Variants in NCAPD3 observed in about 807,000 individuals in gnomAD.
The protein encoded by NCAPD3 is non-SMC condensin II complex subunit D3, also known as condensin-2 complex subunit D3.
NCAPD3 carries 105 observed loss-of-function variants against 182.9 expected under a neutral mutation model. The ratio of observed to expected loss-of-function variants is 0.57; its 90% CI spans 0.49 to 0.68. The LOEUF is 0.68. NCAPD3 is among the 30% of genes least tolerant of loss of function. The pLI is 0.00. For missense variants in NCAPD3, 1,944 were observed against 1,837.0 expected, an observed-to-expected ratio of 1.06 and a Z score of -1.07; for synonymous variants, 815 against 679.9, an observed-to-expected ratio of 1.20 and a Z score of -3.09.
At chr11:134,223,458 C>T in intron 1 of NCAPD3, 1 of 702,552 alleles carries the variant, frequency 1.4e-6, no homozygotes, top group Non-Finnish European at 2.6e-6. Context: ...TTGATGATGT[C>T]TGCATGTGAG....
chr11:134,184,023 T>C (rs1314417122), intron 19 of NCAPD3, among the ~76,000 whole-genome samples: 1 of 152,242 alleles, frequency 6.6e-6, no homozygotes, highest in East Asian at 1.9e-4. Context: ...AGAATAAATA[T>C]ATGGTAATAA....
chr11:134,202,807 C>T lies in NCAPD3; in HGVS notation c.1615+9G>A. 6.3e-7 allele frequency: 1 copy of T among 1,582,742 alleles called. No homozygotes were observed. Among genetic ancestry groups the T allele is most frequent in the Non-Finnish European group, 8.6e-7 (1 of 1,161,532 alleles). ...ATTACCTATCTGACAGTGATAAAAT[C>T]TGACATACCTCCAGATCCAACTGTT... On this transcript the variant is annotated intron_variant, in intron 13 of 34. Coordinates refer to ENST00000534548, the MANE Select transcript of NCAPD3 (RefSeq NM_015261.3).
intron 16 of NCAPD3, among the ~76,000 whole-genome samples, chr11:134,187,035 T>G (rs1362942457): frequency 6.6e-6 from 1 of 152,196 alleles, no homozygotes; most frequent in Non-Finnish European, 1.5e-5. Flanking sequence ...CCTCTGAACT[T>G]GCAGAAATCT....
At chr11:134,214,223 T>C (rs1366049766) in intron 3 of NCAPD3, among the ~76,000 whole-genome samples, 2 of 151,962 alleles carry the variant, frequency 1.3e-5, no homozygotes, top group Non-Finnish European at 2.9e-5. Context: ...ATATGAAGTA[T>C]GTTCTCTGAT....
intron 27 of NCAPD3, among the ~76,000 whole-genome samples, chr11:134,165,772 C>T (rs1180818220): frequency 7.0e-6 from 1 of 143,112 alleles, no homozygotes; most frequent in Non-Finnish European, 1.5e-5. Flanking sequence ...GGGGGAGGTA[C>T]ACACTCGTGA....
Position 134,204,200 on chromosome 11 carries a change from C to A in NCAPD3, c.1090-29G>T. The A allele has an allele frequency of 6.2e-7, 1 of 1,608,758 alleles. No homozygotes were observed. The highest frequency in any genetic ancestry group is 8.5e-7 in the Non-Finnish European group (1 of 1,176,964). ...AAAAGCAAAAAGAGAAGTTGACCAA[C>A]CAATATCCACCCGCAGGATGGCTGA... On this transcript the variant is annotated intron_variant, in intron 9 of 34. Transcript: ENST00000534548. The surrounding 1 kb of genome is among the most constrained non-coding windows in gnomAD (Gnocchi z 4.3).
chr11:134,193,041 T>A, intron 15 of NCAPD3, 132 bp from the exon 16 acceptor site: 1 of 584,656 alleles, frequency 1.7e-6, no homozygotes, highest in Non-Finnish European at 2.9e-6. Context: ...AAGAAAAAAA[T>A]TCAAAAAATA....
chr11:134,152,814 G>C lies in NCAPD3; in HGVS notation c.*130C>G. On this transcript the variant is annotated 3_prime_UTR_variant, in exon 35 of 35. Transcript: ENST00000534548. ...AGGTGAGTGCCAGGCCCCTGAGGAGGAGCTCTCGTGTTCCACAGCAAAGCG... is the reference window on the plus strand; with the variant it reads ...AGGTGAGTGCCAGGCCCCTGAGGAGCAGCTCTCGTGTTCCACAGCAAAGCG... The C allele has an allele frequency of 1.4e-6, 1 of 691,402 alleles. No homozygotes were observed. The highest frequency in any genetic ancestry group is 2.5e-6 in the Non-Finnish European group (1 of 404,024). The allele number at this position is 691,402 out of a possible 1,614,324, so 42.8% of individuals were successfully genotyped here. A position where few individuals can be genotyped will look rare whatever the true frequency, so the allele number is the denominator to read the frequency against.
At chr11:134,164,941 G>T (rs1193452725) in intron 27 of NCAPD3, among the ~76,000 whole-genome samples, 2 of 148,762 alleles carry the variant, frequency 1.3e-5, no homozygotes, top group African/African-American at 2.5e-5. Context: ...AGGGGGAGGG[G>T]CACACTCACT....
chr11:134,156,173 C>G (rs1943414780), intron 32 of NCAPD3, among the ~76,000 whole-genome samples: 2 of 152,226 alleles, frequency 1.3e-5, no homozygotes, highest in African/African-American at 4.8e-5. Flanking sequence ...GCGCCCAGCT[C>G]TGCCCTCCCA....
chr11:134,201,947 T>A (rs1328404917), intron 13 of NCAPD3, among the ~76,000 whole-genome samples: 1 of 152,194 alleles, frequency 6.6e-6, no homozygotes, highest in Admixed American at 6.5e-5. Flanking sequence ...AATGTAATCA[T>A]CCTCAGGGCG....
intron 16 of NCAPD3, among the ~76,000 whole-genome samples, chr11:134,187,103 C>A (rs573775884): frequency 1.3e-5 from 2 of 152,290 alleles, no homozygotes; most frequent in African/African-American, 4.8e-5. Context: ...GCCTCCCAGC[C>A]CAGCTGAGGG....
intron 16 of NCAPD3, among the ~76,000 whole-genome samples, chr11:134,188,525 G>T (rs1056374299): frequency 6.6e-6 from 1 of 152,202 alleles, no homozygotes; most frequent in Admixed American, 6.5e-5. Context: ...TTTATGAACT[G>T]TAACACCGCA....
chr11:134,158,555 T>A lies in NCAPD3; in HGVS notation c.3868-60A>T, dbSNP rs574621720. ...TACTTTTTAAGTTTTCAAAAACGGA[T>A]ATATGATAGTTGTACATGGTTGGGG... is the stretch of plus-strand genomic sequence containing the variant. On this transcript the variant is annotated intron_variant, in intron 29 of 34. Transcript: ENST00000534548. 24 of 1,528,950 alleles carry A rather than the reference T, an allele frequency of 1.6e-5. No individual in the cohort carries two copies. In the East Asian group the frequency reaches 5.4e-4, roughly 35 times the overall value. 94.7% of individuals were successfully genotyped at this position (1,528,950 alleles called of 1,614,324 possible). A position where few individuals can be genotyped will look rare whatever the true frequency, so the allele number is the denominator to read the frequency against.
At position 134,160,087 on chromosome 11, in the gene NCAPD3, C is replaced by G. The variant is rs1282442687; in HGVS notation, c.3685-13G>C. On this transcript the variant is annotated splice_polypyrimidine_tract_variant and intron_variant, in intron 28 of 34. Coordinates refer to ENST00000534548, the MANE Select transcript of NCAPD3 (RefSeq NM_015261.3). ...CCTGCATCACCTCCTGAAACAGAGC[C>G]AGGAGCATCCTTTCATGTTTTCTTG... 1 of 1,611,598 alleles carries G rather than the reference C, an allele frequency of 6.2e-7. No individual in the cohort carries two copies. The highest frequency in any genetic ancestry group is 1.1e-5 in the South Asian group (1 of 90,920).
chr11:134,158,099 T>C, intron 30 of NCAPD3, 32 bp from the exon 31 acceptor site: 3 of 1,607,898 alleles, frequency 1.9e-6, no homozygotes, highest in Non-Finnish European at 2.5e-6. Context: ...GCTGACTTTC[T>C]CACTGCAGAC....
In NCAPD3 at chr11:134,185,496, C is replaced by T; in HGVS notation, c.2076G>A (p.Trp692Ter). The change falls in exon 17 of 35, where the codon TGG (tryptophan) becomes TGA (stop). Residue 692 changes from tryptophan (W) to a stop codon, truncating the protein, a stop_gained. Transcript: ENST00000534548. LOFTEE classifies it high-confidence loss of function. ...SRYLNKAFHI[W>*]SKKEKFSPTF... Reference sequence around the variant, plus strand: ...TGGGTGAGAATTTTTCTTTCTTGGACCAGATATGAAAAGCCTTATTTAAAT... The same window carrying T: ...TGGGTGAGAATTTTTCTTTCTTGGATCAGATATGAAAAGCCTTATTTAAAT... 1.2e-6 allele frequency: 2 copies of T among 1,605,862 alleles called. No homozygotes were observed. Among genetic ancestry groups the T allele is most frequent in the Non-Finnish European group, 1.7e-6 (2 of 1,176,524 alleles).
rs116182301 is a variant in NCAPD3 at position 134,183,765 on chromosome 11, T to C, written c.2451+872A>G. Among the ~76,000 whole-genome samples the C allele has an allele frequency of 6.6e-3, 1,009 of 152,310 alleles. 10 individuals are homozygous for C. The highest frequency in any genetic ancestry group is 0.023 in the African/African-American group (954 of 41,572). ...AAAAAAGTTACAATCATTGTTTTAGTTGATCTGTTAGAAGTAGAAAATGTA... is the reference window on the plus strand; with the variant it reads ...AAAAAAGTTACAATCATTGTTTTAGCTGATCTGTTAGAAGTAGAAAATGTA... On this transcript the variant is annotated intron_variant, in intron 19 of 34. Transcript: ENST00000534548.
chr11:134,177,117 G>T, intron 23 of NCAPD3, 102 bp downstream of exon 23: 1 of 886,152 alleles, frequency 1.1e-6, no homozygotes, highest in Non-Finnish European at 1.8e-6. Context: ...ATTATTTTTG[G>T]ATTCTACTAC....
Sources: allele counts gnomAD v4.1 joint callset (sites outside exome capture counted in the v4.1 genomes callset), GRCh38; gene constraint gnomAD v4.1.1; non-coding constraint Gnocchi (gnomAD v3.1); transcripts MANE v1.5; gene names NCBI Gene and HGNC (gene_info 2026-07-23, HGNC 2026-07-21).